CDH18: variants seen among roughly 807,000 people sequenced by gnomAD.
CDH18 encodes cadherin-18.
Under a neutral mutation model 67.9 loss-of-function variants are expected in CDH18, and 31 were observed. The ratio of observed to expected loss-of-function variants is 0.46; its 90% CI spans 0.34 to 0.62. CDH18 has a LOEUF of 0.62. Ranked by LOEUF, CDH18 falls within the 20% of genes least tolerant of loss-of-function variation. The pLI is 0.01. For synonymous variants in CDH18, 362 were observed against 347.2 expected (o/e 1.04, Z -0.48); for missense variants, 890 against 975.5 (o/e 0.91, Z 1.17).
chr5:20,415,438 G>A (rs1424817542), intron 1 of CDH18, among the ~76,000 whole-genome samples: 4 of 152,082 alleles, frequency 2.6e-5, no homozygotes, highest in Non-Finnish European at 5.9e-5. Flanking sequence ...ATCATTCAAT[G>A]TAGTACATAC....
chr5:19,830,047 A>T (rs534997162), intron 3 of CDH18, among the ~76,000 whole-genome samples: 2 of 152,298 alleles, frequency 1.3e-5, no homozygotes, highest in South Asian at 4.1e-4. Flanking sequence ...ACTTAAAATG[A>T]ATTAAGGATT....
At chr5:19,575,872 C>A (rs1224268188) in intron 7 of CDH18, among the ~76,000 whole-genome samples, 1 of 152,044 alleles carries the variant, frequency 6.6e-6, no homozygotes, top group African/African-American at 2.4e-5. Context: ...AAGAAAGATA[C>A]CCCTACATGA....
At chr5:20,057,054 A>G (rs1742054665) in intron 2 of CDH18, among the ~76,000 whole-genome samples, 1 of 152,122 alleles carries the variant, frequency 6.6e-6, no homozygotes, top group East Asian at 1.9e-4. Context: ...TACAAATCTA[A>G]GATGTCATCC....
chr5:19,806,285 A>G (rs938953867), intron 3 of CDH18, among the ~76,000 whole-genome samples: 11 of 152,176 alleles, frequency 7.2e-5, no homozygotes, highest in African/African-American at 2.7e-4. Context: ...TTGCACTATC[A>G]GCACTGTGAT....
chr5:20,018,329 T>C (rs1440848164), intron 2 of CDH18, among the ~76,000 whole-genome samples: 1 of 152,066 alleles, frequency 6.6e-6, no homozygotes, highest in Non-Finnish European at 1.5e-5. Context: ...AATATAATTA[T>C]AAGTAAAAAT....
At chr5:19,626,354 T>G (rs2095370924) in intron 5 of CDH18, among the ~76,000 whole-genome samples, 1 of 152,172 alleles carries the variant, frequency 6.6e-6, no homozygotes, top group Non-Finnish European at 1.5e-5. Context: ...AAAACAGATG[T>G]GCGAAAGAAC....
intron 5 of CDH18, among the ~76,000 whole-genome samples, chr5:19,688,126 T>C (rs951630218): frequency 6.6e-6 from 1 of 152,066 alleles, no homozygotes; most frequent in African/African-American, 2.4e-5. Context: ...CCCACCACCA[T>C]TACTGCCATC....
intron 3 of CDH18, among the ~76,000 whole-genome samples, chr5:19,766,891 C>T (rs945877071): frequency 2.0e-5 from 3 of 152,108 alleles, no homozygotes; most frequent in African/African-American, 7.2e-5. Context: ...CAATACTTCC[C>T]TATTATACTA....
Position 19,617,364 on chromosome 5 carries a change from C to T in CDH18, c.644-4763G>A, listed in dbSNP as rs143674955. Among the ~76,000 whole-genome samples the T allele has an allele frequency of 9.2e-5, 14 of 152,288 alleles. No individual in the cohort carries two copies. The East Asian group carries it at 2.7e-3, about 29-fold the overall frequency. On this transcript the variant is annotated intron_variant, in intron 5 of 12. Transcript: ENST00000382275. Reference sequence around the variant, plus strand: ...TATTTGTTTGGTTGGCCATTTCTGTCATGTATCCATGTATCCAGTATTTGC... The same window carrying T: ...TATTTGTTTGGTTGGCCATTTCTGTTATGTATCCATGTATCCAGTATTTGC...
intron 1 of CDH18, among the ~76,000 whole-genome samples, chr5:20,572,223 A>AT (rs1758858227): frequency 1.4e-5 from 1 of 71,726 alleles, no homozygotes. Context: ...TTTTTGTAAA[A>AT]GAAAAAAAAA....
chr5:20,440,014 C>CA (rs1298562852), intron 1 of CDH18, among the ~76,000 whole-genome samples: 1 of 151,520 alleles, frequency 6.6e-6, no homozygotes, highest in Non-Finnish European at 1.5e-5. Context: ...TTCTTTATTT[C>CA]CTTTTCCTTA....
chr5:19,740,127 T>C (rs944539706), intron 4 of CDH18, among the ~76,000 whole-genome samples: 1 of 152,226 alleles, frequency 6.6e-6, no homozygotes, highest in African/African-American at 2.4e-5. Flanking sequence ...TGTATACTTA[T>C]AATTCTGTTA....
rs865988702 is a variant in CDH18 at position 20,013,454 on chromosome 5, A to G, written c.-517-21440T>C. ...AAATAGGGCTTGACTTATGAGGTTG[A>G]TGACTAACCAGCTTAGAATGTCTTT... is the stretch of plus-strand genomic sequence containing the variant. On this transcript the variant is annotated intron_variant, in intron 2 of 14. Transcript: ENST00000507958. Among the ~76,000 whole-genome samples the G allele has an allele frequency of 5.7e-4, 87 of 152,194 alleles. No individual in the cohort carries two copies. The Middle Eastern group carries it at 0.014, about 24-fold the overall frequency.
intron 1 of CDH18, among the ~76,000 whole-genome samples, chr5:20,402,566 C>T (rs958920608): frequency 3.9e-5 from 6 of 152,118 alleles, no homozygotes; most frequent in Admixed American, 2.0e-4. Context: ...TTTCCCAGTG[C>T]ATTAAAAAGC....
At chr5:20,105,333 T>C (rs559939770) in intron 2 of CDH18, among the ~76,000 whole-genome samples, 6 of 152,204 alleles carry the variant, frequency 3.9e-5, no homozygotes, top group Admixed American at 2.0e-4. Context: ...GTTATGTACA[T>C]AGAAACCAAA....
intron 11 of CDH18, among the ~76,000 whole-genome samples, chr5:19,501,609 T>G (rs1743262940): frequency 1.3e-5 from 2 of 152,092 alleles, no homozygotes; most frequent in African/African-American, 2.4e-5. Context: ...TAGGTTAAAC[T>G]GCTTGAATTG....
At chr5:20,313,080 A>G (rs1192919884) in intron 1 of CDH18, among the ~76,000 whole-genome samples, 1 of 152,166 alleles carries the variant, frequency 6.6e-6, no homozygotes, top group Non-Finnish European at 1.5e-5. Context: ...GTAAATAACA[A>G]GGATAAATAA....
intron 2 of CDH18, among the ~76,000 whole-genome samples, chr5:20,051,170 C>T (rs970304149): frequency 5.9e-5 from 9 of 151,836 alleles, no homozygotes; most frequent in African/African-American, 1.2e-4. Context: ...AATTGCTATC[C>T]TATTTTGAAA....
At chr5:20,116,446 G>A (rs1420216034) in intron 2 of CDH18, among the ~76,000 whole-genome samples, 1 of 151,954 alleles carries the variant, frequency 6.6e-6, no homozygotes, top group African/African-American at 2.4e-5. Flanking sequence ...AACCCAAGAG[G>A]TGGAGGTTAC....
Sources: allele counts gnomAD v4.1 joint callset (sites outside exome capture counted in the v4.1 genomes callset), GRCh38; gene constraint gnomAD v4.1.1; transcripts MANE v1.5; gene names NCBI Gene and HGNC (gene_info 2026-07-23, HGNC 2026-07-21).